Variants in QTMAN observed in about 807,000 individuals in gnomAD.
QTMAN encodes the protein tRNA-queuosine alpha-mannosyltransferase.
chr2:144,201,508 T>G, the QTMAN span, among the ~76,000 whole-genome samples: 1 of 152,208 alleles, frequency 6.6e-6, no homozygotes, highest in Non-Finnish European at 1.5e-5. Context: ...CACGGATGGC[T>G]TTCAATCAGG....
the QTMAN span, among the ~76,000 whole-genome samples, chr2:144,018,865 G>T: frequency 6.6e-6 from 1 of 152,098 alleles, no homozygotes; most frequent in Non-Finnish European, 1.5e-5. Flanking sequence ...TAGAAAGGGA[G>T]TTAGTGCCAG....
At chr2:144,014,534 A>G in the QTMAN span, among the ~76,000 whole-genome samples, 1 of 152,200 alleles carries the variant, frequency 6.6e-6, no homozygotes, top group Non-Finnish European at 1.5e-5. Context: ...AAAATTAACA[A>G]GCAAACCCTA....
chr2:144,305,860 C>T, the QTMAN span, among the ~76,000 whole-genome samples: 1 of 152,138 alleles, frequency 6.6e-6, no homozygotes, highest in African/African-American at 2.4e-5. Context: ...TTGTTCACTG[C>T]TAATGTATAG....
chr2:144,151,357 G>C, the QTMAN span, among the ~76,000 whole-genome samples: 1 of 151,728 alleles, frequency 6.6e-6, no homozygotes, highest in African/African-American at 2.4e-5. Flanking sequence ...AATCTTCTCT[G>C]TATTAATCTC....
At chr2:144,165,278 G>C in the QTMAN span, among the ~76,000 whole-genome samples, 1 of 152,100 alleles carries the variant, frequency 6.6e-6, no homozygotes, top group African/African-American at 2.4e-5. Flanking sequence ...GCTGAGGCTG[G>C]AGAATCGCTT....
chr2:144,241,110 T>C, the QTMAN span, among the ~76,000 whole-genome samples: 1 of 152,130 alleles, frequency 6.6e-6, no homozygotes, highest in Non-Finnish European at 1.5e-5. Context: ...AAAGCACTGG[T>C]TCTCGAAGTG....
chr2:144,015,789 G>C, the QTMAN span, among the ~76,000 whole-genome samples: 1 of 152,162 alleles, frequency 6.6e-6, no homozygotes, highest in Non-Finnish European at 1.5e-5. Context: ...TGTTGAAGTG[G>C]TGAGAATCCA....
chr2:144,119,366 G>T, the QTMAN span, among the ~76,000 whole-genome samples: 2 of 152,190 alleles, frequency 1.3e-5, no homozygotes, highest in Non-Finnish European at 2.9e-5. Flanking sequence ...GTCAGGCCAT[G>T]TCTTAGAGTA....
the QTMAN span, among the ~76,000 whole-genome samples, chr2:144,260,094 T>G: frequency 1.3e-5 from 2 of 152,292 alleles, no homozygotes; most frequent in East Asian, 3.9e-4. Flanking sequence ...ACTTTTAAAA[T>G]GAAATGATCC....
At chr2:144,090,513 C>A in the QTMAN span, among the ~76,000 whole-genome samples, 1 of 151,536 alleles carries the variant, frequency 6.6e-6, no homozygotes, top group East Asian at 1.9e-4. Flanking sequence ...TTTAAAAATG[C>A]GAAACTGATG....
chr2:144,125,884 A>C, the QTMAN span, among the ~76,000 whole-genome samples: 1 of 152,076 alleles, frequency 6.6e-6, no homozygotes, highest in African/African-American at 2.4e-5. Flanking sequence ...TTTTATTTGA[A>C]AATACATCTG....
At chr2:144,177,374 T>A in the QTMAN span, 4 of 571,570 alleles carry the variant, frequency 7.0e-6, no homozygotes, top group Admixed American at 3.0e-5. Flanking sequence ...GGGTAGTCAA[T>A]TGGAGATGAA....
At chr2:144,004,908 AG>A in the QTMAN span, among the ~76,000 whole-genome samples, 6 of 152,132 alleles carry the variant, frequency 3.9e-5, no homozygotes, top group East Asian at 1.2e-3. Flanking sequence ...TTTTGCCCGA[AG>A]GCTTTACCAA....
At chr2:144,265,621 G>A in the QTMAN span, among the ~76,000 whole-genome samples, 1 of 151,076 alleles carries the variant, frequency 6.6e-6, no homozygotes. Flanking sequence ...CCTTGAACCC[G>A]GGAGGCGGAG....
chr2:144,065,831 G>T, the QTMAN span, among the ~76,000 whole-genome samples: 1 of 149,108 alleles, frequency 6.7e-6, no homozygotes, highest in East Asian at 2.0e-4. Flanking sequence ...GAATATTCAA[G>T]AGTGGTATAA....
the QTMAN span, chr2:144,294,460 G>C: frequency 6.6e-6 from 1 of 152,148 alleles, no homozygotes; most frequent in South Asian, 2.1e-4. Flanking sequence ...GCCAGAAACT[G>C]TGTCAGGTCC....
chr2:143,990,318 A>T, the QTMAN span, among the ~76,000 whole-genome samples: 1 of 152,222 alleles, frequency 6.6e-6, no homozygotes, highest in African/African-American at 2.4e-5. Flanking sequence ...ATGGGCAGCC[A>T]GGGTTGAGAC....
At chr2:144,276,332 C>T in the QTMAN span, among the ~76,000 whole-genome samples, 6 of 152,070 alleles carry the variant, frequency 3.9e-5, no homozygotes, top group Non-Finnish European at 7.4e-5. Flanking sequence ...CAGGCATGAG[C>T]CACCACACCC....
At chr2:144,204,102 T>C in the QTMAN span, among the ~76,000 whole-genome samples, 12 of 152,140 alleles carry the variant, frequency 7.9e-5, no homozygotes, top group Non-Finnish European at 5.9e-5. Flanking sequence ...ACTTCATGTC[T>C]AAAACACCAA....
Sources: allele counts gnomAD v4.1 joint callset (sites outside exome capture counted in the v4.1 genomes callset), GRCh38; gene constraint gnomAD v4.1.1; transcripts MANE v1.5; gene names NCBI Gene and HGNC (gene_info 2026-07-23, HGNC 2026-07-21).